The following CWC27 variants were observed in gnomAD, a reference collection of about 807,000 sequenced individuals.
CWC27 encodes CWC27 spliceosome associated cyclophilin, also known as spliceosome-associated protein CWC27 homolog.
In CWC27, 47 loss-of-function variants were observed where a neutral mutation model predicts 63.6. That is an observed-to-expected ratio of 0.74 (90% CI 0.58 to 0.94). CWC27 has a LOEUF of 0.94. CWC27 is among the 40% of genes least tolerant of loss of function. The pLI is 0.00. For synonymous variants in CWC27, 175 were observed against 179.8 expected, an observed-to-expected ratio of 0.97 and a Z score of 0.22; for missense variants, 495 against 554.3, an observed-to-expected ratio of 0.89 and a Z score of 1.07.
intron 2 of CWC27, among the ~76,000 whole-genome samples, chr5:64,776,160 C>T (rs1347045532): frequency 6.7e-6 from 1 of 149,322 alleles, no homozygotes. Context: ...TTAATAATTG[C>T]TGTGGCAGGC....
chr5:64,970,186 A>G (rs1749092347), intron 11 of CWC27, among the ~76,000 whole-genome samples: 1 of 151,768 alleles, frequency 6.6e-6, no homozygotes, highest in African/African-American at 2.4e-5. Flanking sequence ...TCAAAGATGT[A>G]ATTCAGTAGA....
At chr5:64,830,563 A>C (rs188952709) in intron 10 of CWC27, among the ~76,000 whole-genome samples, 159 of 152,316 alleles carry the variant, frequency 1.0e-3, no homozygotes, top group African/African-American at 3.7e-3. Context: ...AACAAAAGCC[A>C]AAATTGACAA....
intron 10 of CWC27, among the ~76,000 whole-genome samples, chr5:64,845,646 A>G (rs553561228): frequency 1.3e-5 from 2 of 152,362 alleles, no homozygotes; most frequent in East Asian, 1.9e-4. Flanking sequence ...GAAAGAATCA[A>G]TGAGCTGGAA....
At chr5:64,830,362 ACTGG>A (rs1232822970) in intron 10 of CWC27, among the ~76,000 whole-genome samples, 1 of 152,104 alleles carries the variant, frequency 6.6e-6, no homozygotes, top group African/African-American at 2.4e-5. Context: ...TGCTGGGAAA[ACTGG>A]CTAGCCATAT....
chr5:64,828,289 C>T (rs890456750), intron 10 of CWC27, among the ~76,000 whole-genome samples: 1 of 152,096 alleles, frequency 6.6e-6, no homozygotes, highest in Non-Finnish European at 1.5e-5. Context: ...CTTAATCTTC[C>T]TATGCCAAAT....
intron 11 of CWC27, among the ~76,000 whole-genome samples, chr5:64,907,505 A>G (rs71452312): frequency 6.6e-6 from 1 of 152,326 alleles, no homozygotes; most frequent in East Asian, 1.9e-4. Flanking sequence ...ATTTTTGCAC[A>G]TTGACTTTGT....
intron 1 of CWC27, among the ~76,000 whole-genome samples, chr5:64,771,514 A>C (rs1259985470): frequency 6.6e-6 from 1 of 152,210 alleles, no homozygotes; most frequent in Non-Finnish European, 1.5e-5. Flanking sequence ...TTTAAGCATA[A>C]GAGGTAATTC....
chr5:64,948,447 T>C (rs1748636519), intron 11 of CWC27, among the ~76,000 whole-genome samples: 1 of 151,916 alleles, frequency 6.6e-6, no homozygotes. Context: ...ACTAACCGTA[T>C]ATATATGTAG....
chr5:64,945,942 C>A (rs917072863), intron 11 of CWC27, among the ~76,000 whole-genome samples: 7 of 152,108 alleles, frequency 4.6e-5, no homozygotes, highest in African/African-American at 1.7e-4. Context: ...AACCAACTTT[C>A]ATAATAATTG....
intron 10 of CWC27, among the ~76,000 whole-genome samples, chr5:64,872,166 C>T (rs1268614031): frequency 1.3e-5 from 2 of 152,000 alleles, no homozygotes; most frequent in Non-Finnish European, 2.9e-5. Flanking sequence ...TGAAGGATGA[C>T]TTTGAGTTAT....
At chr5:64,773,262 T>C (rs1049111509) in intron 1 of CWC27, among the ~76,000 whole-genome samples, 1 of 152,220 alleles carries the variant, frequency 6.6e-6, no homozygotes, top group Non-Finnish European at 1.5e-5. Context: ...AAAGTCATTG[T>C]GATTTTCAAG....
chr5:64,856,353 C>T (rs1367345935), intron 10 of CWC27, among the ~76,000 whole-genome samples: 1 of 151,728 alleles, frequency 6.6e-6, no homozygotes, highest in East Asian at 1.9e-4. Flanking sequence ...TACTGTAAAA[C>T]TGATGGAGTC....
At chr5:64,903,529 G>A (rs542979437) in intron 11 of CWC27, among the ~76,000 whole-genome samples, 106 of 151,026 alleles carry the variant, frequency 7.0e-4, no homozygotes, top group Non-Finnish European at 1.2e-3. Flanking sequence ...CCTGTTGGGG[G>A]ATCGGGGCAA....
intron 10 of CWC27, 70 bp downstream of exon 10, chr5:64,804,456 C>A: frequency 1.5e-6 from 2 of 1,372,044 alleles, no homozygotes; most frequent in Non-Finnish European, 2.0e-6. Context: ...CAGATTGAAT[C>A]CTCTCTTCAG....
At chr5:64,834,625 A>AT (rs1745612845) in intron 10 of CWC27, among the ~76,000 whole-genome samples, 1 of 151,672 alleles carries the variant, frequency 6.6e-6, no homozygotes, top group African/African-American at 2.4e-5. Context: ...TCTTAACTGT[A>AT]TTTTTACTGA....
chr5:65,013,557 G>A (rs1299684604), intron 13 of CWC27, among the ~76,000 whole-genome samples: 2 of 152,218 alleles, frequency 1.3e-5, no homozygotes, highest in Non-Finnish European at 1.5e-5. Context: ...TAAGGTTGGT[G>A]AGATAGGAAG....
intron 13 of CWC27, among the ~76,000 whole-genome samples, chr5:65,005,208 G>A (rs900929233): frequency 6.6e-6 from 1 of 151,522 alleles, no homozygotes; most frequent in African/African-American, 2.4e-5. Flanking sequence ...CAGCAGGAGT[G>A]GCAAAATGGT....
chr5:64,915,736 A>C (rs1444538382), intron 11 of CWC27, among the ~76,000 whole-genome samples: 2 of 152,158 alleles, frequency 1.3e-5, no homozygotes, highest in Non-Finnish European at 2.9e-5. Context: ...ACCATTTCAT[A>C]AATGCTTACT....
intron 11 of CWC27, among the ~76,000 whole-genome samples, chr5:64,938,666 G>A (rs1431732067): frequency 6.6e-6 from 1 of 152,106 alleles, no homozygotes; most frequent in Non-Finnish European, 1.5e-5. Context: ...TGCTAGGTTG[G>A]GGAAGTTCTC....
Sources: allele counts gnomAD v4.1 joint callset (sites outside exome capture counted in the v4.1 genomes callset), GRCh38; gene constraint gnomAD v4.1.1; transcripts MANE v1.5; gene names NCBI Gene and HGNC (gene_info 2026-07-23, HGNC 2026-07-21).